SBK1: variants seen among roughly 807,000 people sequenced by gnomAD.
The protein encoded by SBK1 is SH3 domain binding kinase 1.
A neutral mutation model predicts 24.4 loss-of-function variants in SBK1; 11 were observed. The observed-to-expected ratio is 0.45, with a 90% CI of 0.28 to 0.75. The LOEUF (loss-of-function observed/expected upper bound fraction) is 0.75, where lower values mean the gene tolerates loss of function less well. Ranked by LOEUF, SBK1 falls within the 30% of genes least tolerant of loss-of-function variation. The pLI, the probability that SBK1 is intolerant of heterozygous loss-of-function variation, is 0.12. For missense variants in SBK1, 467 were observed against 620.5 expected (o/e 0.75, Z 2.63); for synonymous variants, 308 against 284.4 (o/e 1.08, Z -0.83).
In SBK1 at chr16:28,322,096, G is replaced by A. The variant is rs575229201; in HGVS notation, c.*1175G>A. The A allele has an allele frequency of 4.8e-4, 74 of 152,908 alleles. No individual in the cohort carries two copies. Among genetic ancestry groups the A allele is most frequent in the Non-Finnish European group, 9.2e-4 (63 of 68,366 alleles). 9.5% of individuals were successfully genotyped at this position (152,908 alleles called of 1,614,324 possible). A position where few individuals can be genotyped will look rare whatever the true frequency, so the allele number is the denominator to read the frequency against. On this transcript the variant is annotated 3_prime_UTR_variant, in exon 4 of 4. Coordinates refer to ENST00000341901, the MANE Select transcript of SBK1 (RefSeq NM_001024401.3). ...ATGGGGGCGGTGGACACCAGGGGGC[G>A]AGTGTGTGACTAGGTGTGTGTGCAC...
intron 1 of SBK1, among the ~76,000 whole-genome samples, chr16:28,306,821 G>T (rs1041075277): frequency 1.3e-5 from 2 of 152,216 alleles, no homozygotes; most frequent in African/African-American, 4.8e-5. Flanking sequence ...TTGGGAAATT[G>T]TAACTTTTTA....
Position 28,308,576 on chromosome 16 carries a change from C to T in SBK1, c.-7-8809C>T, listed in dbSNP as rs987535759. Among the ~76,000 whole-genome samples the T allele has an allele frequency of 2.7e-5, 4 of 146,780 alleles. No individual in the cohort carries two copies. The Admixed American group carries it at 2.8e-4, about 10-fold the overall frequency. ...TATCTGGGACTATAGGCATGTGCCACCATGCCCAGCTAATTTTTTTGTTTC... is the reference window on the plus strand; with the variant it reads ...TATCTGGGACTATAGGCATGTGCCATCATGCCCAGCTAATTTTTTTGTTTC... On this transcript the variant is annotated intron_variant, in intron 1 of 3. Coordinates refer to ENST00000341901, the MANE Select transcript of SBK1 (RefSeq NM_001024401.3).
intron 1 of SBK1, among the ~76,000 whole-genome samples, chr16:28,272,619 C>CTTTCTT (rs746450878): frequency 2.3e-4 from 24 of 105,962 alleles, no homozygotes; most frequent in African/African-American, 7.0e-4. Context: ...TTCTTTCTTT[C>CTTTCTT]TTTTTTTTTT....
At chr16:28,293,391 C>A (rs1291925696) in intron 1 of SBK1, 91 bp downstream of exon 1, 7 of 635,566 alleles carry the variant, frequency 1.1e-5, no homozygotes, top group Non-Finnish European at 1.4e-5. Context: ...GGGTTGCGCG[C>A]TCCCCCTTCC....
At chr16:28,273,905 C>A (rs2044481797) in intron 1 of SBK1, among the ~76,000 whole-genome samples, 1 of 152,176 alleles carries the variant, frequency 6.6e-6, no homozygotes, top group African/African-American at 2.4e-5. Flanking sequence ...AGCCATCAAG[C>A]CACCCAAAAG....
intron 1 of SBK1, among the ~76,000 whole-genome samples, chr16:28,282,541 T>C (rs2044539686): frequency 6.6e-6 from 1 of 152,188 alleles, no homozygotes; most frequent in South Asian, 2.1e-4. Flanking sequence ...CTCACTAGTC[T>C]GGGAGCTCCT....
upstream of SBK1, chr16:28,292,028 C>G (rs1297298942): frequency 1.3e-5 from 2 of 152,156 alleles, no homozygotes; most frequent in Non-Finnish European, 2.9e-5. Context: ...CGCAGGCAGG[C>G]AGGCGGACGC....
At chr16:28,275,052 C>A (rs567521449) in intron 1 of SBK1, among the ~76,000 whole-genome samples, 1 of 152,048 alleles carries the variant, frequency 6.6e-6, no homozygotes, top group African/African-American at 2.4e-5. Flanking sequence ...AGGGGCCGGG[C>A]GTGGTGGCTC....
chr16:28,281,510 C>T (rs953910046), intron 1 of SBK1, among the ~76,000 whole-genome samples: 11 of 152,034 alleles, frequency 7.2e-5, no homozygotes, highest in African/African-American at 2.4e-4. Context: ...GGGATGGAAT[C>T]GGGATAAAAT....
intron 1 of SBK1, 133 bp downstream of exon 1, chr16:28,293,433 C>T (rs916609127): frequency 1.3e-5 from 4 of 297,902 alleles, no homozygotes; most frequent in Non-Finnish European, 2.0e-5. Flanking sequence ...GGCTGAAGGA[C>T]GTCTCTTTGT....
rs1244685959 is a variant in SBK1, at chr16:28,319,637, C to T, written c.430-439C>T. Among the ~76,000 whole-genome samples the T allele has an allele frequency of 2.1e-5, 3 of 144,880 alleles. No individual in the cohort carries two copies. Among genetic ancestry groups the T allele is most frequent in the Non-Finnish European group, 3.2e-5 (2 of 62,712 alleles). On this transcript the variant is annotated intron_variant, in intron 3 of 3. Transcript: ENST00000341901. This position sits in a 1 kb window ranked among gnomAD's most constrained non-coding sequence, Gnocchi z 4.0. Reference sequence around the variant, plus strand: ...GAGACCTTCGGAGCAGGTCCTCCTTCTTTGCTGAGCACCTACTACATGCCA... The same window carrying T: ...GAGACCTTCGGAGCAGGTCCTCCTTTTTTGCTGAGCACCTACTACATGCCA...
In SBK1 at chr16:28,322,931, C is replaced by CTCT. The variant is rs1184425008; in HGVS notation, c.*2010_*2011insTCT. 3.0e-3 allele frequency: 168 copies of CTCT among 55,376 alleles called. 8 individuals carry two copies. The highest frequency in any genetic ancestry group is 4.5e-3 in the Non-Finnish European group (126 of 27,996). The allele number at this position is 55,376 out of a possible 1,614,324, so 3.4% of individuals were successfully genotyped here. A position where few individuals can be genotyped will look rare whatever the true frequency, so the allele number is the denominator to read the frequency against. On this transcript the variant is annotated 3_prime_UTR_variant, in exon 4 of 4. Coordinates refer to ENST00000341901, the MANE Select transcript of SBK1 (RefSeq NM_001024401.3). The stretch of plus-strand genomic sequence containing the variant: ...CTCTCTCGCGCGCGCTCTCTCTCTC[C>CTCT]CTCTCTCTCTCTCTCTCTCTCTCTC...
upstream of SBK1, among the ~76,000 whole-genome samples, chr16:28,289,354 G>A (rs1245226159): frequency 6.6e-6 from 1 of 152,238 alleles, no homozygotes; most frequent in African/African-American, 2.4e-5. Context: ...GACAAGGAGT[G>A]TGGGAGAGGA....
intron 1 of SBK1, among the ~76,000 whole-genome samples, chr16:28,267,236 G>C (rs112547410): frequency 3.9e-5 from 6 of 151,978 alleles, no homozygotes; most frequent in African/African-American, 1.4e-4. Context: ...AAGATGGGGT[G>C]GGGGGAGGCG....
intron 1 of SBK1, among the ~76,000 whole-genome samples, chr16:28,270,214 C>T (rs1249438223): frequency 2.0e-5 from 3 of 151,488 alleles, no homozygotes; most frequent in Non-Finnish European, 4.4e-5. Context: ...GGCGCACACC[C>T]CCACAGCCAG....
At chr16:28,307,803 G>A (rs1036559202) in intron 1 of SBK1, among the ~76,000 whole-genome samples, 6 of 151,832 alleles carry the variant, frequency 4.0e-5, no homozygotes, top group Admixed American at 1.3e-4. Flanking sequence ...TTCAAGATGC[G>A]TTTTGGAGGG....
At position 28,259,784 on chromosome 16, in the gene SBK1, G is replaced by C. The variant is rs544922741; in HGVS notation, c.257+282G>C. Among the ~76,000 whole-genome samples, 1 of 152,124 alleles carries C rather than the reference G, an allele frequency of 6.6e-6. No homozygotes were observed. The highest frequency in any genetic ancestry group is 1.5e-5 in the Non-Finnish European group (1 of 68,008). On this transcript the variant is annotated intron_variant, in intron 1 of 3. Coordinates refer to the SBK1 transcript ENST00000671413. The surrounding 1 kb of genome is among the most constrained non-coding windows in gnomAD (Gnocchi z 6.0). The stretch of plus-strand genomic sequence containing the variant: ...GCCCTCCATGGCTCCCAGCTCCCGT[G>C]GGATAAAGTTAACACTCGGCTGAGC...
upstream of SBK1, among the ~76,000 whole-genome samples, chr16:28,288,866 TC>T (rs1387818950): frequency 6.6e-6 from 1 of 152,164 alleles, no homozygotes; most frequent in Non-Finnish European, 1.5e-5. Context: ...CCATGCTGTG[TC>T]CCCTGGCTAG....
At chr16:28,309,160 A>G (rs1379762539) in intron 1 of SBK1, among the ~76,000 whole-genome samples, 1 of 152,176 alleles carries the variant, frequency 6.6e-6, no homozygotes, top group Admixed American at 6.5e-5. Context: ...TGGCTCCACC[A>G]TCTTCTGGGG....
Sources: allele counts gnomAD v4.1 joint callset (sites outside exome capture counted in the v4.1 genomes callset), GRCh38; gene constraint gnomAD v4.1.1; non-coding constraint Gnocchi (gnomAD v3.1); transcripts MANE v1.5; gene names NCBI Gene and HGNC (gene_info 2026-07-23, HGNC 2026-07-21).